Variants in PTPRN2 observed in about 807,000 individuals in gnomAD.
The protein encoded by PTPRN2 is protein tyrosine phosphatase receptor type N2.
PTPRN2 carries 74 observed loss-of-function variants against 118.8 expected under a neutral mutation model. The ratio of observed to expected loss-of-function variants is 0.62; its 90% CI spans 0.52 to 0.76. The LOEUF (loss-of-function observed/expected upper bound fraction) is 0.76, where lower values mean the gene tolerates loss of function less well. Among genes scored for constraint, PTPRN2 ranks in the 30% least tolerant of loss-of-function variants. The probability of loss-of-function intolerance (pLI) is 0.00; values close to 1 mark genes in which losing one functional copy is unlikely to be tolerated. For synonymous variants in PTPRN2, 641 were observed against 608.0 expected, an observed-to-expected ratio of 1.05 and a Z score of -0.80; for missense variants, 1,481 against 1,394.4, an observed-to-expected ratio of 1.06 and a Z score of -0.99.
rs34662497 is a variant in PTPRN2, at chr7:158,278,347, CAA to C, written c.277+38470_277+38471del. 2.5e-3 allele frequency among the ~76,000 whole-genome samples: 363 copies of C among 144,524 alleles called. 1 individual carries two copies. The highest frequency in any genetic ancestry group is 3.4e-3 in the African/African-American group (131 of 38,856). 94.8% of individuals were successfully genotyped at this position (144,524 alleles called of 152,430 possible). On this transcript the variant is annotated intron_variant, in intron 3 of 22. Transcript: ENST00000389418. ...ATGAAACCCCGTCTCTACTAAAATA[CAA>C]AAAAAAAAAAAAATTCAGCTGGACG...
At position 158,526,029 on chromosome 7, in the gene PTPRN2, C is replaced by G. The variant is rs527775400; in HGVS notation, c.113-36244G>C. Reference sequence around the variant, plus strand: ...CCTGCAGCCCAGCCCCTACTCTCCCCTCTGGCTGGCATTGTGCAGTCCTTC... The same window carrying G: ...CCTGCAGCCCAGCCCCTACTCTCCCGTCTGGCTGGCATTGTGCAGTCCTTC... On this transcript the variant is annotated intron_variant, in intron 1 of 22. Transcript: ENST00000389418. The surrounding 1 kb of genome is among the most constrained non-coding windows in gnomAD (Gnocchi z 5.2). 1.3e-5 allele frequency among the ~76,000 whole-genome samples: 2 copies of G among 152,238 alleles called. No homozygotes were observed. The highest frequency in any genetic ancestry group is 2.9e-5 in the Non-Finnish European group (2 of 68,038).
chr7:157,912,903 C>T (rs530181543), intron 11 of PTPRN2, among the ~76,000 whole-genome samples: 1 of 152,286 alleles, frequency 6.6e-6, no homozygotes, highest in South Asian at 2.1e-4. Flanking sequence ...GTAGTTTATG[C>T]TGTCTACACA....
chr7:157,654,738 C>G (rs1805958132), intron 14 of PTPRN2, among the ~76,000 whole-genome samples: 1 of 152,332 alleles, frequency 6.6e-6, no homozygotes, highest in South Asian at 2.1e-4. Context: ...AAACACAATT[C>G]TCTGAGAAAT....
intron 10 of PTPRN2, among the ~76,000 whole-genome samples, chr7:158,109,435 AATG>A (rs1414270480): frequency 4.1e-5 from 6 of 147,544 alleles, no homozygotes; most frequent in African/African-American, 7.6e-5. Context: ...TCTGTGAGTG[AATG>A]ATGTCACCCC....
intron 5 of PTPRN2, among the ~76,000 whole-genome samples, chr7:158,178,222 T>A (rs1235772568): frequency 1.3e-5 from 2 of 152,196 alleles, no homozygotes; most frequent in East Asian, 3.8e-4. Flanking sequence ...TTCAAAAGCT[T>A]TTGGGGTACG....
chr7:158,274,062 G>A (rs376643048), intron 3 of PTPRN2, among the ~76,000 whole-genome samples: 1 of 126,148 alleles, frequency 7.9e-6, no homozygotes, highest in African/African-American at 3.3e-5. Context: ...GGAGCCGCAG[G>A]CACAGGGGGA....
Position 157,831,919 on chromosome 7 carries a change from G to A in PTPRN2, c.1788+66754C>T, listed in dbSNP as rs529978779. On this transcript the variant is annotated intron_variant, in intron 12 of 22. Coordinates refer to ENST00000389418, the MANE Select transcript of PTPRN2 (RefSeq NM_002847.5). The surrounding 1 kb of genome is among the most constrained non-coding windows in gnomAD (Gnocchi z 4.8). ...GAGGGCAGTTATGGAGCTCCAGAGC[G>A]GGGTAAGTTGTTGGAAAACGGAAAG... is the stretch of plus-strand genomic sequence containing the variant. 6.6e-6 allele frequency among the ~76,000 whole-genome samples: 1 copy of A among 152,346 alleles called. No homozygotes were observed. The highest frequency in any genetic ancestry group is 1.5e-5 in the Non-Finnish European group (1 of 68,030).
chr7:157,631,783 G>C (rs1803969548), intron 14 of PTPRN2, among the ~76,000 whole-genome samples: 1 of 149,974 alleles, frequency 6.7e-6, no homozygotes, highest in Non-Finnish European at 1.5e-5. Flanking sequence ...AGTGAGCCGA[G>C]ATTGTGCCAC....
intron 20 of PTPRN2, among the ~76,000 whole-genome samples, chr7:157,569,927 C>A (rs563501364): frequency 6.6e-6 from 1 of 152,354 alleles, no homozygotes; most frequent in South Asian, 2.1e-4. Flanking sequence ...GACTACCCAG[C>A]AGATATCACA....
chr7:158,345,293 G>GT (rs1220834030), intron 2 of PTPRN2, among the ~76,000 whole-genome samples: 1 of 152,186 alleles, frequency 6.6e-6, no homozygotes, highest in Admixed American at 6.5e-5. Flanking sequence ...GGGAAGACAG[G>GT]TTTTTTGTCT....
chr7:157,636,135 T>C (rs1337068203), intron 14 of PTPRN2, among the ~76,000 whole-genome samples: 1 of 152,250 alleles, frequency 6.6e-6, no homozygotes, highest in East Asian at 1.9e-4. Flanking sequence ...TAAAATTCTT[T>C]GCTTGTCATT....
chr7:158,169,458 T>TG (rs1823338776), intron 5 of PTPRN2, among the ~76,000 whole-genome samples: 2 of 97,772 alleles, frequency 2.0e-5, no homozygotes, highest in Non-Finnish European at 2.0e-5. Flanking sequence ...GTGTGTGTGT[T>TG]TTAGTAGAAA....
At chr7:158,430,490 G>C (rs904617570) in intron 2 of PTPRN2, among the ~76,000 whole-genome samples, 3 of 152,232 alleles carry the variant, frequency 2.0e-5, no homozygotes, top group African/African-American at 4.8e-5. Flanking sequence ...TGTGGTTTGC[G>C]GGGCCTCGCA....
intron 11 of PTPRN2, among the ~76,000 whole-genome samples, chr7:158,001,125 T>G (rs1805216986): frequency 8.5e-6 from 1 of 118,290 alleles, no homozygotes; most frequent in African/African-American, 3.4e-5. Flanking sequence ...GGGGCTGGGG[T>G]TTGGCCGCAG....
chr7:158,213,896 A>T (rs910214977), intron 3 of PTPRN2, among the ~76,000 whole-genome samples: 2 of 152,144 alleles, frequency 1.3e-5, no homozygotes, highest in Non-Finnish European at 2.9e-5. Context: ...AAATTTAAAA[A>T]TTTTTATCTA....
At chr7:158,007,354 G>A (rs1805701777) in intron 11 of PTPRN2, among the ~76,000 whole-genome samples, 1 of 152,156 alleles carries the variant, frequency 6.6e-6, no homozygotes, top group Non-Finnish European at 1.5e-5. Context: ...AGAGGCAGGA[G>A]GTGTCCTGGC....
chr7:158,161,563 C>A (rs1483058591), intron 6 of PTPRN2, among the ~76,000 whole-genome samples: 3 of 152,226 alleles, frequency 2.0e-5, no homozygotes, highest in Non-Finnish European at 4.4e-5. Context: ...GCAGACCTTA[C>A]ACCTTTCACA....
intron 3 of PTPRN2, among the ~76,000 whole-genome samples, chr7:158,209,817 A>C (rs902850648): frequency 1.3e-5 from 2 of 152,252 alleles, no homozygotes; most frequent in African/African-American, 4.8e-5. Context: ...ATCTTTAAAA[A>C]TTCAAAAACA....
At chr7:157,853,939 A>G (rs548481144) in intron 12 of PTPRN2, among the ~76,000 whole-genome samples, 23 of 152,296 alleles carry the variant, frequency 1.5e-4, no homozygotes, top group African/African-American at 5.3e-4. Context: ...GGGCAGCCAC[A>G]GGGAACACCG....
Sources: gnomAD v4.1 joint callset for allele counts (sites outside exome capture counted in the v4.1 genomes callset) on GRCh38, gnomAD v4.1.1 for gene constraint, Gnocchi (gnomAD v3.1) non-coding constraint, MANE v1.5 for transcripts, NCBI Gene and HGNC (gene_info 2026-07-23, HGNC 2026-07-21) for gene names.